The following AJAP1 variants were observed in gnomAD, a reference collection of about 807,000 sequenced individuals.
The protein encoded by AJAP1 is adherens junction-associated protein 1.
Under a neutral mutation model 35.0 loss-of-function variants are expected in AJAP1, and 5 were observed. The ratio of observed to expected loss-of-function variants is 0.14; its 90% CI spans 0.07 to 0.30. The LOEUF (loss-of-function observed/expected upper bound fraction) is 0.30, where lower values mean the gene tolerates loss of function less well. AJAP1 is among the 10% of genes least tolerant of loss of function. The pLI is 1.00. For missense variants in AJAP1, 586 were observed against 571.0 expected (o/e 1.03, Z -0.27); for synonymous variants, 284 against 249.3 (o/e 1.14, Z -1.31).
chr1:4,711,410 G>T (rs995745031), intron 1 of AJAP1, among the ~76,000 whole-genome samples: 1 of 152,198 alleles, frequency 6.6e-6, no homozygotes, highest in Non-Finnish European at 1.5e-5. Flanking sequence ...GGCGGGGGGT[G>T]GCCTGGGCTA....
Position 4,723,464 on chromosome 1 carries a change from T to TG in AJAP1, c.829+10770dup, listed in dbSNP as rs1640570965. Among the ~76,000 whole-genome samples, 1 of 151,224 alleles carries TG rather than the reference T, an allele frequency of 6.6e-6. No individual in the cohort carries two copies. The highest frequency in any genetic ancestry group is 1.5e-5 in the Non-Finnish European group (1 of 67,832). ...CAAGAGGGGAGAATGAAGGGGCAAT[T>TG]GGGGGTGATAAGGAAGAGCCCACCG... On this transcript the variant is annotated intron_variant, in intron 2 of 5. Coordinates refer to ENST00000378191, the MANE Select transcript of AJAP1 (RefSeq NM_018836.4). This position sits in a 1 kb window ranked among gnomAD's most constrained non-coding sequence, Gnocchi z 4.3.
chr1:4,749,635 C>T (rs1282021300), intron 2 of AJAP1, among the ~76,000 whole-genome samples: 6 of 152,356 alleles, frequency 3.9e-5, no homozygotes, highest in African/African-American at 1.4e-4. Context: ...TTTGGTGCAT[C>T]TCCCTCATCA....
chr1:4,748,633 A>C (rs977254880), intron 2 of AJAP1, among the ~76,000 whole-genome samples: 1 of 151,924 alleles, frequency 6.6e-6, no homozygotes, highest in Non-Finnish European at 1.5e-5. Context: ...CTGTAATCCC[A>C]GCAACTCAGG....
intron 1 of AJAP1, among the ~76,000 whole-genome samples, chr1:4,663,120 G>C (rs1570082173): frequency 6.6e-6 from 1 of 152,128 alleles, no homozygotes; most frequent in South Asian, 2.1e-4. Flanking sequence ...GGGCTGAAGG[G>C]CATCATTTTG....
chr1:4,751,806 C>T (rs1182775459), intron 2 of AJAP1, among the ~76,000 whole-genome samples: 1 of 152,226 alleles, frequency 6.6e-6, no homozygotes, highest in Non-Finnish European at 1.5e-5. Flanking sequence ...TGCGTTTCCA[C>T]TATGTGTACA....
intron 2 of AJAP1, among the ~76,000 whole-genome samples, chr1:4,718,987 C>T (rs1199825132): frequency 2.0e-5 from 3 of 152,118 alleles, no homozygotes; most frequent in South Asian, 2.1e-4. Flanking sequence ...GGCGGCTGCA[C>T]GAAACACACC....
rs1198028756 is a variant in AJAP1, at chr1:4,784,255, T to C, written c.*1770T>C. On this transcript the variant is annotated 3_prime_UTR_variant, in exon 6 of 6. Transcript: ENST00000378191. ...GACTTGCTGTCAACAGCGGGTGCTGTAGGGATCTAGGGATGCATCTCATGG... is the reference window on the plus strand; with the variant it reads ...GACTTGCTGTCAACAGCGGGTGCTGCAGGGATCTAGGGATGCATCTCATGG... 3 of 152,222 alleles carry C rather than the reference T, an allele frequency of 2.0e-5. No individual in the cohort carries two copies. Among genetic ancestry groups the C allele is most frequent in the Admixed American group, 2.0e-4 (3 of 15,282 alleles). The allele number at this position is 152,222 out of a possible 1,614,324, so 9.4% of individuals were successfully genotyped here.
chr1:4,683,265 C>T (rs1639528203), intron 1 of AJAP1, among the ~76,000 whole-genome samples: 1 of 152,372 alleles, frequency 6.6e-6, no homozygotes, highest in East Asian at 1.9e-4. Flanking sequence ...TGGCACTGGG[C>T]CTGCCCAGAG....
In AJAP1 at chr1:4,712,158, T is replaced by A. The variant is rs1640264292; in HGVS notation, c.288T>A (p.Pro96=). 6.4e-7 allele frequency: 1 copy of A among 1,564,680 alleles called. No individual in the cohort carries two copies. Among genetic ancestry groups the A allele is most frequent in the African/African-American group, 1.4e-5 (1 of 73,400 alleles). Residue 96 remains proline (P), a synonymous_variant, in exon 2 of 6, where the codon CCT becomes CCA. Coordinates refer to ENST00000378191, the MANE Select transcript of AJAP1 (RefSeq NM_018836.4). ...VERIHGQMQM[P]RARRAHRPRD... ...GGATCCACGGGCAGATGCAGATGCCTCGAGCCAGACGGGCCCACAGGCCCC... is the reference window on the plus strand; with the variant it reads ...GGATCCACGGGCAGATGCAGATGCCACGAGCCAGACGGGCCCACAGGCCCC...
rs1242221117 is a variant in AJAP1 at position 4,790,642 on chromosome 1, G to A, written c.*8157G>A. On this transcript the variant is annotated 3_prime_UTR_variant, in exon 6 of 6. Coordinates refer to ENST00000378191, the MANE Select transcript of AJAP1 (RefSeq NM_018836.4). The stretch of plus-strand genomic sequence containing the variant: ...GTTTGCGTTGCTTCCTCTGAAGCCA[G>A]AGGGTGAAAGGCCCTAGCAAAGTTA... The A allele has an allele frequency of 6.6e-6, 1 of 152,244 alleles. No homozygotes were observed. Among genetic ancestry groups the A allele is most frequent in the Non-Finnish European group, 1.5e-5 (1 of 68,050 alleles). The allele number at this position is 152,244 out of a possible 1,614,324, so 9.4% of individuals were successfully genotyped here. A position where few individuals can be genotyped will look rare whatever the true frequency, so the allele number is the denominator to read the frequency against.
At position 4,664,538 on chromosome 1, in the gene AJAP1, C is replaced by T. The variant is rs1570084672; in HGVS notation, c.29+9084C>T. ...TTAGAGTACAGCAGGGACCACCTCT[C>T]ACCAGCTGATCCCCACCATCAGCTG... is the stretch of plus-strand genomic sequence containing the variant. On this transcript the variant is annotated intron_variant, in intron 1 of 5. Coordinates refer to ENST00000378191, the MANE Select transcript of AJAP1 (RefSeq NM_018836.4). 2.0e-5 allele frequency among the ~76,000 whole-genome samples: 3 copies of T among 152,316 alleles called. No individual in the cohort carries two copies. In the South Asian group the frequency reaches 6.2e-4, roughly 32 times the overall value.
rs1642243536 is a variant in AJAP1 at position 4,791,199 on chromosome 1, G to A, written c.*8714G>A. Reference sequence around the variant, plus strand: ...GAGTGGGACTAAAAGCCAGGATCAAGATCAGGTTGCTCCACACATTTGCAG... The same window carrying A: ...GAGTGGGACTAAAAGCCAGGATCAAAATCAGGTTGCTCCACACATTTGCAG... On this transcript the variant is annotated 3_prime_UTR_variant, in exon 6 of 6. Transcript: ENST00000378191. The A allele has an allele frequency of 6.6e-6, 1 of 152,206 alleles. No homozygotes were observed. Among genetic ancestry groups the A allele is most frequent in the Admixed American group, 6.5e-5 (1 of 15,274 alleles). The allele number at this position is 152,206 out of a possible 1,614,324, so 9.4% of individuals were successfully genotyped here. A position where few individuals can be genotyped will look rare whatever the true frequency, so the allele number is the denominator to read the frequency against.
chr1:4,716,655 G>C (rs989499915), intron 2 of AJAP1, among the ~76,000 whole-genome samples: 1 of 151,986 alleles, frequency 6.6e-6, no homozygotes, highest in Admixed American at 6.6e-5. Flanking sequence ...TGTTGATGAT[G>C]GTGATGATAA....
At chr1:4,667,297 G>A (rs1266883233) in intron 1 of AJAP1, among the ~76,000 whole-genome samples, 2 of 152,160 alleles carry the variant, frequency 1.3e-5, no homozygotes, top group East Asian at 3.9e-4. Context: ...GACAGGCCCT[G>A]ACGACCCAAC....
chr1:4,658,184 G>A (rs1390319775), intron 1 of AJAP1, among the ~76,000 whole-genome samples: 1 of 152,128 alleles, frequency 6.6e-6, no homozygotes, highest in Non-Finnish European at 1.5e-5. Flanking sequence ...GCTGGGTTGC[G>A]CTCAGGACTG....
chr1:4,735,087 C>T (rs1352706125), intron 2 of AJAP1, among the ~76,000 whole-genome samples: 4 of 152,190 alleles, frequency 2.6e-5, no homozygotes, highest in East Asian at 1.9e-4. Context: ...GATAGAGGGC[C>T]GGGTAGAGGG....
At chr1:4,754,726 G>T (rs1014372680) in intron 2 of AJAP1, among the ~76,000 whole-genome samples, 2 of 152,324 alleles carry the variant, frequency 1.3e-5, no homozygotes, top group South Asian at 4.1e-4. Flanking sequence ...GGCCTTCTTG[G>T]AAACATGGAT....
At chr1:4,682,413 C>A (rs191517684) in intron 1 of AJAP1, among the ~76,000 whole-genome samples, 2 of 152,338 alleles carry the variant, frequency 1.3e-5, no homozygotes, top group African/African-American at 2.4e-5. Flanking sequence ...AAGACTATGC[C>A]CAGAATGCCT....
rs1484492094 is a variant in AJAP1 at position 4,656,110 on chromosome 1, C to T, written c.29+656C>T. Among the ~76,000 whole-genome samples, 1 of 151,804 alleles carries T rather than the reference C, an allele frequency of 6.6e-6. No homozygotes were observed. The highest frequency in any genetic ancestry group is 1.5e-5 in the Non-Finnish European group (1 of 67,942). On this transcript the variant is annotated intron_variant, in intron 1 of 5. Coordinates refer to ENST00000378191, the MANE Select transcript of AJAP1 (RefSeq NM_018836.4). The surrounding 1 kb of genome is among the most constrained non-coding windows in gnomAD (Gnocchi z 5.7). ...GCTCCGGCGGCCACCCCGCTGTAAA[C>T]ACACACGCACATACGCCCGCCGGCG... is the stretch of plus-strand genomic sequence containing the variant.
Sources: gnomAD v4.1 joint callset for allele counts (sites outside exome capture counted in the v4.1 genomes callset) on GRCh38, gnomAD v4.1.1 for gene constraint, Gnocchi (gnomAD v3.1) non-coding constraint, MANE v1.5 for transcripts, NCBI Gene and HGNC (gene_info 2026-07-23, HGNC 2026-07-21) for gene names.